Variants in RPAP2 observed in about 807,000 individuals in gnomAD.
The protein encoded by RPAP2 is RNA polymerase II associated protein 2, also known as putative RNA polymerase II subunit B1 CTD phosphatase RPAP2.
Under a neutral mutation model 73.1 loss-of-function variants are expected in RPAP2, and 52 were observed. The ratio of observed to expected loss-of-function variants is 0.71; its 90% CI spans 0.57 to 0.90. RPAP2 has a LOEUF of 0.90. Ranked by LOEUF, RPAP2 falls within the 40% of genes least tolerant of loss-of-function variation. RPAP2 has a pLI of 0.00. For missense variants in RPAP2, 598 were observed against 701.8 expected (o/e 0.85, Z 1.67); for synonymous variants, 225 against 242.1 (o/e 0.93, Z 0.65).
At chr1:92,362,351 AT>A (rs1654766093) in intron 11 of RPAP2, among the ~76,000 whole-genome samples, 1 of 152,162 alleles carries the variant, frequency 6.6e-6, no homozygotes, top group Admixed American at 6.5e-5. Flanking sequence ...TGGAAGCAAA[AT>A]TCAAATGCTT....
At chr1:92,350,196 G>A (rs1255473938) in intron 11 of RPAP2, among the ~76,000 whole-genome samples, 2 of 152,176 alleles carry the variant, frequency 1.3e-5, no homozygotes, top group Non-Finnish European at 2.9e-5. Context: ...TTACCCAAGA[G>A]CACATGGAAA....
chr1:92,334,761 C>T (rs1653176021), intron 9 of RPAP2, among the ~76,000 whole-genome samples: 1 of 151,940 alleles, frequency 6.6e-6, no homozygotes, highest in Non-Finnish European at 1.5e-5. Context: ...CTGAGGCAGG[C>T]AGATCACAAG....
chr1:92,340,787 G>C (rs1653551291), intron 10 of RPAP2, among the ~76,000 whole-genome samples: 1 of 152,074 alleles, frequency 6.6e-6, no homozygotes, highest in Admixed American at 6.5e-5. Context: ...TTACAAATCT[G>C]CTATCTAGAA....
At chr1:92,333,348 A>C in intron 8 of RPAP2, 43 bp from the exon 9 acceptor site, 1 of 1,468,492 alleles carries the variant, frequency 6.8e-7, no homozygotes, top group South Asian at 1.1e-5. Flanking sequence ...GAAAGAATGT[A>C]AACTTATGAT....
At chr1:92,380,932 C>CT (rs879148251) in intron 12 of RPAP2, 59 bp downstream of exon 12, 22,573 of 1,060,848 alleles carry the variant, frequency 0.021, no homozygotes, top group African/African-American at 0.026. Context: ...TATGTGGATT[C>CT]TTTTTTTTTT....
chr1:92,344,189 C>T (rs933284183), intron 10 of RPAP2, among the ~76,000 whole-genome samples: 22 of 152,100 alleles, frequency 1.4e-4, no homozygotes, highest in African/African-American at 5.3e-4. Flanking sequence ...GCGGGTGGAT[C>T]ACTTGAGGCC....
intron 10 of RPAP2, among the ~76,000 whole-genome samples, chr1:92,341,484 T>TTGAAA (rs896026183): frequency 2.6e-5 from 4 of 152,146 alleles, no homozygotes; most frequent in African/African-American, 7.2e-5. Flanking sequence ...TGGAAGTACT[T>TTGAAA]TGAAATGAAA....
At chr1:92,322,545 A>G (rs2101172106) in intron 7 of RPAP2, among the ~76,000 whole-genome samples, 1 of 151,832 alleles carries the variant, frequency 6.6e-6, no homozygotes, top group South Asian at 2.1e-4. Flanking sequence ...CTCCATCTCA[A>G]ATGAATAAAA....
intron 6 of RPAP2, among the ~76,000 whole-genome samples, chr1:92,310,724 C>G (rs1651542143): frequency 6.6e-6 from 1 of 152,078 alleles, no homozygotes; most frequent in Non-Finnish European, 1.5e-5. Context: ...TGACAAAACC[C>G]TATCTCTACT....
chr1:92,312,851 T>G (rs1286374597), intron 6 of RPAP2, among the ~76,000 whole-genome samples: 1 of 151,410 alleles, frequency 6.6e-6, no homozygotes, highest in East Asian at 1.9e-4. Context: ...AGACAGAGTC[T>G]CACTCTGTCA....
At chr1:92,380,033 G>C (rs565751500) in intron 11 of RPAP2, among the ~76,000 whole-genome samples, 4 of 85,326 alleles carry the variant, frequency 4.7e-5, no homozygotes, top group African/African-American at 1.1e-4. Flanking sequence ...GCTGAGGCTG[G>C]TGGATCGCCT....
In RPAP2 at chr1:92,341,344, A is replaced by AT. The variant is rs200898883; in HGVS notation, c.1620-4500dup. On this transcript the variant is annotated intron_variant, in intron 10 of 12. Coordinates refer to ENST00000610020, the MANE Select transcript of RPAP2 (RefSeq NM_024813.3). ...GCTTTTTAAATGTTTTCTATCAAAT[A>AT]TTACTGTTTCCCTTTTGAATTGTCA... Among the ~76,000 whole-genome samples the AT allele has an allele frequency of 4.1e-4, 63 of 152,254 alleles. No homozygotes were observed. In the East Asian group the frequency reaches 0.012, roughly 29 times the overall value.
chr1:92,348,997 A>T (rs1252496387), intron 11 of RPAP2, among the ~76,000 whole-genome samples: 3 of 152,238 alleles, frequency 2.0e-5, no homozygotes, highest in Non-Finnish European at 4.4e-5. Flanking sequence ...AAACACATGC[A>T]CACGTTATTT....
chr1:92,369,228 G>A (rs1655050147), intron 11 of RPAP2, among the ~76,000 whole-genome samples: 1 of 152,106 alleles, frequency 6.6e-6, no homozygotes. Context: ...ATAAATTACT[G>A]TTTTTTATTT....
In RPAP2 at chr1:92,401,595, C is replaced by T. The variant is rs1656319285; in HGVS notation, c.*14584C>T. ...ATAAGTGGTGAAAGCACATATCCTCCCCTTGTTCCTAATTTTAGAGGGAAA... is the reference window on the plus strand; with the variant it reads ...ATAAGTGGTGAAAGCACATATCCTCTCCTTGTTCCTAATTTTAGAGGGAAA... On this transcript the variant is annotated 3_prime_UTR_variant, in exon 13 of 13. Transcript: ENST00000610020. 1 of 152,158 alleles carries T rather than the reference C, an allele frequency of 6.6e-6. No individual in the cohort carries two copies. The highest frequency in any genetic ancestry group is 1.5e-5 in the Non-Finnish European group (1 of 68,044). The allele number at this position is 152,158 out of a possible 1,614,324, so 9.4% of individuals were successfully genotyped here. A position where few individuals can be genotyped will look rare whatever the true frequency, so the allele number is the denominator to read the frequency against.
rs1656039230 is a variant in RPAP2, at chr1:92,391,486, A to G, written c.*4475A>G. Reference sequence around the variant, plus strand: ...CAATTAAAAGAACTAGAGAAGCAAGACCAAACAAATTCAAAAGCTAGCAGA... The same window carrying G: ...CAATTAAAAGAACTAGAGAAGCAAGGCCAAACAAATTCAAAAGCTAGCAGA... On this transcript the variant is annotated 3_prime_UTR_variant, in exon 13 of 13. Transcript: ENST00000610020. 6.6e-6 allele frequency: 1 copy of G among 152,222 alleles called. No homozygotes were observed. The allele number at this position is 152,222 out of a possible 1,614,324, so 9.4% of individuals were successfully genotyped here.
At chr1:92,303,921 G>A (rs1651031829) in intron 3 of RPAP2, 56 bp from the exon 4 acceptor site, 2 of 1,205,706 alleles carry the variant, frequency 1.7e-6, no homozygotes, top group African/African-American at 3.0e-5. Flanking sequence ...TTAGAGAGCT[G>A]ATAAATGAAC....
chr1:92,390,783 CAA>C lies in RPAP2; in HGVS notation c.*3775_*3776del, dbSNP rs756210254. The C allele has an allele frequency of 3.2e-4, 48 of 152,086 alleles. No homozygotes were observed. Among genetic ancestry groups the C allele is most frequent in the Non-Finnish European group, 5.4e-4 (37 of 68,010 alleles). The allele number at this position is 152,086 out of a possible 1,614,324, so 9.4% of individuals were successfully genotyped here. A position where few individuals can be genotyped will look rare whatever the true frequency, so the allele number is the denominator to read the frequency against. ...AAACAGACTTTAAACCAACAAAGAT[CAA>C]AAGAGACAAAGAAGGTCATTACATA... On this transcript the variant is annotated 3_prime_UTR_variant, in exon 13 of 13. Coordinates refer to ENST00000610020, the MANE Select transcript of RPAP2 (RefSeq NM_024813.3).
At chr1:92,349,696 G>C (rs1297409805) in intron 11 of RPAP2, among the ~76,000 whole-genome samples, 2 of 152,184 alleles carry the variant, frequency 1.3e-5, no homozygotes, top group African/African-American at 4.8e-5. Context: ...GGGAGGCTGA[G>C]GCAGGAGGAT....
Sources: allele counts gnomAD v4.1 joint callset (sites outside exome capture counted in the v4.1 genomes callset), GRCh38; gene constraint gnomAD v4.1.1; transcripts MANE v1.5; gene names NCBI Gene and HGNC (gene_info 2026-07-23, HGNC 2026-07-21).